Variants in RUNX1T1 observed in about 807,000 individuals in gnomAD.
RUNX1T1 encodes the protein RUNX1 partner transcriptional co-repressor 1.
Under a neutral mutation model 62.8 loss-of-function variants are expected in RUNX1T1, and 4 were observed. The observed-to-expected ratio is 0.06, with a 90% CI of 0.03 to 0.15. RUNX1T1 has a LOEUF of 0.15. Ranked by LOEUF, RUNX1T1 falls within the 10% of genes least tolerant of loss-of-function variation. The probability of loss-of-function intolerance (pLI) is 1.00; values close to 1 mark genes in which losing one functional copy is unlikely to be tolerated. For synonymous variants in RUNX1T1, 291 were observed against 286.0 expected, an observed-to-expected ratio of 1.02 and a Z score of -0.18; for missense variants, 508 against 754.3, an observed-to-expected ratio of 0.67 and a Z score of 3.82.
upstream of RUNX1T1, among the ~76,000 whole-genome samples, chr8:92,065,583 T>G (rs1832754589): frequency 6.6e-6 from 1 of 152,254 alleles, no homozygotes; most frequent in Non-Finnish European, 1.5e-5. Context: ...AGTTGTTTTC[T>G]GACAACTTTA....
At chr8:92,103,062 G>T, upstream of RUNX1T1, 1 of 525,090 alleles carries the variant, frequency 1.9e-6, no homozygotes, top group Non-Finnish European at 3.0e-6. Flanking sequence ...CGGCCGCCCG[G>T]CGCTGCGCAG....
intron 1 of RUNX1T1, among the ~76,000 whole-genome samples, chr8:92,080,239 C>T (rs939897773): frequency 2.0e-5 from 3 of 152,100 alleles, no homozygotes; most frequent in African/African-American, 7.2e-5. Flanking sequence ...CCACAAAAGC[C>T]CAATTCAATC....
chr8:91,970,580 G>C, intron 10 of RUNX1T1, 78 bp downstream of exon 11: 17 of 1,278,764 alleles, frequency 1.3e-5, no homozygotes, highest in Non-Finnish European at 1.8e-5. Context: ...TATCTAAAGT[G>C]ATCACCTTGA....
At chr8:92,050,945 C>T (rs1338398143) in intron 1 of RUNX1T1, among the ~76,000 whole-genome samples, 1 of 152,106 alleles carries the variant, frequency 6.6e-6, no homozygotes, top group Non-Finnish European at 1.5e-5. Context: ...GGTTGCTATT[C>T]CTCTGTCACT....
intron 2 of RUNX1T1, among the ~76,000 whole-genome samples, chr8:92,073,168 C>A (rs1833933476): frequency 6.6e-6 from 1 of 152,192 alleles, no homozygotes. Context: ...CAGACTACCA[C>A]TCCTAGGTGT....
At chr8:92,095,725 C>G (rs1837691471) in intron 1 of RUNX1T1, 1 of 591,910 alleles carries the variant, frequency 1.7e-6, no homozygotes, top group Non-Finnish European at 2.6e-6. Context: ...AGGATGGGGC[C>G]AGAAAGTGGG....
intron 9 of RUNX1T1, 85 bp from the exon 11 acceptor site, chr8:91,970,933 T>C: frequency 8.5e-7 from 1 of 1,179,190 alleles, no homozygotes. Context: ...TTCTTTTAAT[T>C]TTTTTTTTCT....
intron 10 of RUNX1T1, among the ~76,000 whole-genome samples, chr8:91,966,584 T>C (rs948989306): frequency 6.6e-6 from 1 of 152,142 alleles, no homozygotes; most frequent in African/African-American, 2.4e-5. Flanking sequence ...ATAGCTGCAA[T>C]CTGAGAGCAT....
intron 1 of RUNX1T1, among the ~76,000 whole-genome samples, chr8:92,024,091 G>A (rs1002261970): frequency 1.4e-4 from 21 of 152,104 alleles, no homozygotes; most frequent in African/African-American, 3.9e-4. Flanking sequence ...TGTCATATCC[G>A]TAAAATTCCT....
intron 9 of RUNX1T1, among the ~76,000 whole-genome samples, chr8:91,973,497 A>G (rs1050166329): frequency 3.6e-4 from 55 of 152,178 alleles, no homozygotes; most frequent in Non-Finnish European, 5.2e-4. Context: ...GTTATGCTAC[A>G]TCAAGTTTTG....
At chr8:92,103,349 G>C (rs1412683571), upstream of RUNX1T1, 1 of 182,536 alleles carries the variant, frequency 5.5e-6, no homozygotes, top group African/African-American at 2.3e-5. Context: ...CCGGGGAGCA[G>C]GAGCGCCGCG....
chr8:92,015,469 C>G (rs1055588155), intron 2 of RUNX1T1, among the ~76,000 whole-genome samples: 1 of 152,118 alleles, frequency 6.6e-6, no homozygotes, highest in Non-Finnish European at 1.5e-5. Flanking sequence ...AAAGGGACAC[C>G]TAAATCCAGC....
At chr8:91,977,288 A>G (rs1254143382) in intron 8 of RUNX1T1, 1 of 193,612 alleles carries the variant, frequency 5.2e-6, no homozygotes, top group African/African-American at 2.3e-5. Flanking sequence ...ATTATTCCAA[A>G]TATTTAAAAG....
At chr8:92,027,115 C>CAAAAA in intron 1 of RUNX1T1, among the ~76,000 whole-genome samples, 1 of 74,180 alleles carries the variant, frequency 1.3e-5, no homozygotes, top group South Asian at 4.2e-4. Flanking sequence ...AACTCCGTCT[C>CAAAAA]AAAAAAAAAA....
chr8:92,020,676 TTC>T (rs1823906322), intron 1 of RUNX1T1, among the ~76,000 whole-genome samples: 1 of 152,222 alleles, frequency 6.6e-6, no homozygotes, highest in Non-Finnish European at 1.5e-5. Flanking sequence ...TGTGTAACGT[TTC>T]TCTCACATGG....
chr8:92,056,405 A>G (rs1266851491), intron 1 of RUNX1T1, among the ~76,000 whole-genome samples: 2 of 152,204 alleles, frequency 1.3e-5, no homozygotes, highest in Non-Finnish European at 2.9e-5. Context: ...TCCCAGTATC[A>G]TGTTCTCATA....
At chr8:91,996,184 TTTTTTATTTTTTTTA>T (rs1386672874) in intron 5 of RUNX1T1, among the ~76,000 whole-genome samples, 1 of 151,832 alleles carries the variant, frequency 6.6e-6, no homozygotes, top group East Asian at 1.9e-4. Flanking sequence ...ATTTTATTTG[TTTTTTATTTTTTTTA>T]TTTTTATTTT....
At chr8:92,050,610 T>C (rs1335736530) in intron 1 of RUNX1T1, among the ~76,000 whole-genome samples, 1 of 152,124 alleles carries the variant, frequency 6.6e-6, no homozygotes, top group Non-Finnish European at 1.5e-5. Flanking sequence ...ATAAAGCAAA[T>C]GGCCAGGCCA....
chr8:91,967,354 G>A (rs1383495976), intron 10 of RUNX1T1, among the ~76,000 whole-genome samples: 1 of 151,996 alleles, frequency 6.6e-6, no homozygotes, highest in Non-Finnish European at 1.5e-5. Context: ...ATCCCAGTTT[G>A]GATGATAAAT....
Sources: gnomAD v4.1 joint callset for allele counts (sites outside exome capture counted in the v4.1 genomes callset) on GRCh38, gnomAD v4.1.1 for gene constraint, MANE v1.5 for transcripts, NCBI Gene and HGNC (gene_info 2026-07-23, HGNC 2026-07-21) for gene names.